The following ZCCHC4 variants were observed in gnomAD, a reference collection of about 807,000 sequenced individuals.
ZCCHC4 encodes the protein zinc finger CCHC-type containing 4, also known as rRNA N(6)-adenosine-methyltransferase ZCCHC4.
In ZCCHC4, 54 loss-of-function variants were observed where a neutral mutation model predicts 67.7. The ratio of observed to expected loss-of-function variants is 0.80; its 90% CI spans 0.64 to 1.00. ZCCHC4 has a LOEUF of 1.00. ZCCHC4 is among the 50% of genes least tolerant of loss of function. The pLI, the probability that ZCCHC4 is intolerant of heterozygous loss-of-function variation, is 0.00. For missense variants in ZCCHC4, 609 were observed against 617.0 expected (o/e 0.99, Z 0.14); for synonymous variants, 198 against 213.5 (o/e 0.93, Z 0.63).
intron 8 of ZCCHC4, among the ~76,000 whole-genome samples, chr4:25,353,323 T>C (rs1577347439): frequency 6.6e-6 from 1 of 152,212 alleles, no homozygotes; most frequent in South Asian, 2.1e-4. Context: ...CATTAACAGG[T>C]TTTGTTCTAA....
In ZCCHC4 at chr4:25,365,995, A is replaced by AATTATATGAC. The variant is rs775206492; in HGVS notation, c.1406+839_1406+848dup. On this transcript the variant is annotated intron_variant, in intron 12 of 12. Transcript: ENST00000302874. The stretch of plus-strand genomic sequence containing the variant: ...GACAGCTAAATTTGACATTATATGA[A>AATTATATGAC]ATTATATGACATTATATGAAAATTC... 3 of 836,364 alleles carry AATTATATGAC rather than the reference A, an allele frequency of 3.6e-6. No individual in the cohort carries two copies. In the African/African-American group the frequency reaches 9.8e-5, roughly 27 times the overall value. The allele number at this position is 836,364 out of a possible 1,614,324, so 51.8% of individuals were successfully genotyped here.
rs557792300 is a variant in ZCCHC4, at chr4:25,354,757, C to T, written c.1011+3068C>T. Among the ~76,000 whole-genome samples the T allele has an allele frequency of 1.4e-4, 22 of 152,232 alleles. No homozygotes were observed. The South Asian group carries it at 4.6e-3, about 32-fold the overall frequency. On this transcript the variant is annotated intron_variant, in intron 8 of 12. Transcript: ENST00000302874. ...AAGCGAGCCTCTCACCTCAGCCTCC[C>T]AAAGTGCTGAGATTACAGGTGTGAG...
At chr4:25,362,634 T>C (rs767419523) in intron 10 of ZCCHC4, among the ~76,000 whole-genome samples, 1 of 152,192 alleles carries the variant, frequency 6.6e-6, no homozygotes, top group Non-Finnish European at 1.5e-5. Flanking sequence ...CATTGACGTA[T>C]TGGGTACCAT....
intron 3 of ZCCHC4, among the ~76,000 whole-genome samples, chr4:25,332,232 C>T (rs919570509): frequency 3.3e-5 from 5 of 150,380 alleles, no homozygotes; most frequent in Admixed American, 6.7e-5. Context: ...CACTTGAACC[C>T]GAGAGGTGGA....
intron 3 of ZCCHC4, among the ~76,000 whole-genome samples, chr4:25,320,421 CCATAAA>C (rs1442381142): frequency 3.9e-5 from 6 of 151,968 alleles, no homozygotes; most frequent in Admixed American, 6.6e-5. Flanking sequence ...TAGAGAAATG[CCATAAA>C]CATAATTTGT....
chr4:25,317,726 A>AG (rs397992643), intron 3 of ZCCHC4, among the ~76,000 whole-genome samples: 3 of 124,578 alleles, frequency 2.4e-5, no homozygotes, highest in Non-Finnish European at 5.0e-5. Context: ...AAAAAAAAAA[A>AG]GAAAGAAAAG....
chr4:25,343,791 T>TA (rs1719864416), intron 5 of ZCCHC4, among the ~76,000 whole-genome samples: 1 of 152,236 alleles, frequency 6.6e-6, no homozygotes, highest in South Asian at 2.1e-4. Context: ...CTCAATCAGT[T>TA]ACAGACAGTA....
rs1259838576 is a variant in ZCCHC4, at chr4:25,370,057, GTCC to G, written c.*896_*898del. The G allele has an allele frequency of 6.6e-6, 1 of 152,034 alleles. No homozygotes were observed. Among genetic ancestry groups the G allele is most frequent in the Non-Finnish European group, 1.5e-5 (1 of 68,014 alleles). 9.4% of individuals were successfully genotyped at this position (152,034 alleles called of 1,614,324 possible). ...TATTCTTCAAGTACTTTTTGCAGTT[GTCC>G]TCTGACGGTCTAGAATCACTTAAAT... On this transcript the variant is annotated 3_prime_UTR_variant, in exon 13 of 13. Coordinates refer to ENST00000302874, the MANE Select transcript of ZCCHC4 (RefSeq NM_024936.3).
At chr4:25,353,576 A>G (rs1443940420) in intron 8 of ZCCHC4, among the ~76,000 whole-genome samples, 1 of 152,210 alleles carries the variant, frequency 6.6e-6, no homozygotes, top group Non-Finnish European at 1.5e-5. Flanking sequence ...TTGGCAATGG[A>G]TGGTCATCTA....
At chr4:25,326,043 G>A (rs28616271) in intron 3 of ZCCHC4, among the ~76,000 whole-genome samples, 66,008 of 151,804 alleles carry the variant, frequency 0.43, 16,239 homozygotes, top group Non-Finnish European at 0.56. Flanking sequence ...AAGCTTAGTG[G>A]TATACAACGA....
intron 6 of ZCCHC4, among the ~76,000 whole-genome samples, chr4:25,348,001 A>G (rs1021753137): frequency 1.5e-5 from 2 of 129,402 alleles, no homozygotes; most frequent in African/African-American, 3.0e-5. Context: ...TCTTACCTGG[A>G]AAAAAAAATC....
rs141920123 is a variant in ZCCHC4 at position 25,367,105 on chromosome 4, C to T, written c.1407-1924C>T. Among the ~76,000 whole-genome samples, 462 of 152,212 alleles carry T rather than the reference C, an allele frequency of 3.0e-3. 7 individuals are homozygous for T. Among genetic ancestry groups the T allele is most frequent in the Admixed American group, 0.026 (403 of 15,294 alleles). ...ATAACAGCCTTTTTAGCATACGTGACATAAAAGGTCTTTCCAGCTCATGCA... is the reference window on the plus strand; with the variant it reads ...ATAACAGCCTTTTTAGCATACGTGATATAAAAGGTCTTTCCAGCTCATGCA... On this transcript the variant is annotated intron_variant, in intron 12 of 12. Coordinates refer to ENST00000302874, the MANE Select transcript of ZCCHC4 (RefSeq NM_024936.3).
chr4:25,361,742 C>T, intron 8 of ZCCHC4, 117 bp from the exon 9 acceptor site: 2 of 1,082,098 alleles, frequency 1.8e-6, no homozygotes, highest in Non-Finnish European at 2.6e-6. Flanking sequence ...TGACACTTGG[C>T]ATGACAAATA....
At position 25,367,206 on chromosome 4, in the gene ZCCHC4, G is replaced by A. The variant is rs560016777; in HGVS notation, c.1407-1823G>A. ...TTAGTTGCTAACTGGAATGATGCTG[G>A]CTCCCTCTTGTGGTTAAAGCTCATT... On this transcript the variant is annotated intron_variant, in intron 12 of 12. Transcript: ENST00000302874. Among the ~76,000 whole-genome samples the A allele has an allele frequency of 4.6e-5, 7 of 152,032 alleles. No individual in the cohort carries two copies. The East Asian group carries it at 1.2e-3, about 25-fold the overall frequency.
chr4:25,349,364 C>T (rs975119027), intron 6 of ZCCHC4, 128 bp from the exon 7 acceptor site: 60 of 781,734 alleles, frequency 7.7e-5, no homozygotes, highest in East Asian at 5.6e-4. Flanking sequence ...AGGAATGCTG[C>T]GGTGGCAAGA....
chr4:25,324,617 T>C (rs1272874401), intron 3 of ZCCHC4, among the ~76,000 whole-genome samples: 1 of 152,232 alleles, frequency 6.6e-6, no homozygotes, highest in Non-Finnish European at 1.5e-5. Context: ...CGTTTAATTT[T>C]TCCAAAACTG....
Position 25,333,972 on chromosome 4 carries a change from T to C in ZCCHC4, c.670T>C (p.Leu224=). ...GAAGTCTAACATTAAAAGCCTTTTATTGGATATTGATTTTCGGTAGGTTTA... is the reference window on the plus strand; with the variant it reads ...GAAGTCTAACATTAAAAGCCTTTTACTGGATATTGATTTTCGGTAGGTTTA... ...DKKSNIKSLL[L]DIDFRYSQFY... is the part of the protein sequence containing the mutation. The change falls in exon 5 of 13, where the codon TTG becomes CTG. Residue 224 remains leucine (L), a synonymous_variant. Coordinates refer to ENST00000302874, the MANE Select transcript of ZCCHC4 (RefSeq NM_024936.3). The C allele has an allele frequency of 6.2e-7, 1 of 1,602,938 alleles. No homozygotes were observed. Among genetic ancestry groups the C allele is most frequent in the South Asian group, 1.1e-5 (1 of 88,138 alleles).
intron 12 of ZCCHC4, chr4:25,365,628 T>A (rs899109866): frequency 2.4e-5 from 24 of 985,958 alleles, no homozygotes; most frequent in Non-Finnish European, 2.9e-5. Context: ...TGTATCAAAT[T>A]TTAAGAAAAA....
intron 3 of ZCCHC4, among the ~76,000 whole-genome samples, chr4:25,332,670 A>G (rs1719246737): frequency 1.3e-5 from 2 of 152,240 alleles, no homozygotes; most frequent in African/African-American, 4.8e-5. Flanking sequence ...AGGTGAGCTT[A>G]TAACTCCATC....
Sources: gnomAD v4.1 joint callset for allele counts (sites outside exome capture counted in the v4.1 genomes callset) on GRCh38, gnomAD v4.1.1 for gene constraint, MANE v1.5 for transcripts, NCBI Gene and HGNC (gene_info 2026-07-23, HGNC 2026-07-21) for gene names.